Variants in KIAA0825 observed in about 807,000 individuals in gnomAD.
The protein encoded by KIAA0825 is KIAA0825, also known as uncharacterized protein KIAA0825.
A neutral mutation model predicts 147.6 loss-of-function variants in KIAA0825; 119 were observed. The ratio of observed to expected loss-of-function variants is 0.81; its 90% CI spans 0.69 to 0.94. The LOEUF is 0.94. Ranked by LOEUF, KIAA0825 falls within the 40% of genes least tolerant of loss-of-function variation. The probability of loss-of-function intolerance (pLI) is 0.00; values close to 1 mark genes in which losing one functional copy is unlikely to be tolerated. For missense variants in KIAA0825, 1,381 were observed against 1,472.7 expected (o/e 0.94, Z 1.02); for synonymous variants, 470 against 518.1 (o/e 0.91, Z 1.26).
chr5:94,606,904 C>T (rs770340832), intron 1 of KIAA0825, among the ~76,000 whole-genome samples: 2 of 152,092 alleles, frequency 1.3e-5, no homozygotes, highest in African/African-American at 2.4e-5. Flanking sequence ...ACATGCAAGA[C>T]AGGGGTCAAG....
intron 20 of KIAA0825, among the ~76,000 whole-genome samples, chr5:94,208,564 A>T (rs935653563): frequency 1.3e-5 from 2 of 152,204 alleles, no homozygotes; most frequent in Admixed American, 6.6e-5. Flanking sequence ...GCTAGAAAAC[A>T]CACAAACAAA....
At chr5:94,267,346 T>A (rs922068457) in intron 20 of KIAA0825, among the ~76,000 whole-genome samples, 1 of 152,178 alleles carries the variant, frequency 6.6e-6, no homozygotes, top group Admixed American at 6.5e-5. Flanking sequence ...ATCAACATAT[T>A]TATTGAGCAC....
intron 2 of KIAA0825, among the ~76,000 whole-genome samples, chr5:94,574,401 G>A (rs1213465630): frequency 1.3e-5 from 2 of 151,856 alleles, no homozygotes; most frequent in Non-Finnish European, 2.9e-5. Flanking sequence ...AAAATTAGTC[G>A]GGTGTGTTGG....
intron 5 of KIAA0825, 49 bp downstream of exon 5, chr5:94,520,199 T>C: frequency 6.7e-7 from 1 of 1,486,298 alleles, no homozygotes; most frequent in Non-Finnish European, 9.0e-7. Flanking sequence ...AAATTAAACA[T>C]ATTAAAAGAC....
chr5:94,393,543 A>C (rs748581601), intron 17 of KIAA0825, among the ~76,000 whole-genome samples: 2 of 152,212 alleles, frequency 1.3e-5, no homozygotes, highest in Non-Finnish European at 2.9e-5. Context: ...TCTGGATGCA[A>C]GTGAAAGGAA....
At chr5:94,401,323 C>G (rs1751346200) in intron 16 of KIAA0825, among the ~76,000 whole-genome samples, 1 of 151,090 alleles carries the variant, frequency 6.6e-6, no homozygotes, top group Admixed American at 6.6e-5. Context: ...AGAATAGAAA[C>G]AAGTGGGAGC....
At chr5:94,466,736 CAAAA>C (rs56785201) in intron 10 of KIAA0825, among the ~76,000 whole-genome samples, 9 of 61,374 alleles carry the variant, frequency 1.5e-4, no homozygotes, top group Non-Finnish European at 2.7e-4. Flanking sequence ...GACTGTGTCT[CAAAA>C]AAAAAAAAAA....
chr5:94,413,309 GA>G (rs1753012417), intron 15 of KIAA0825: 1 of 152,086 alleles, frequency 6.6e-6, no homozygotes, highest in Non-Finnish European at 1.5e-5. Flanking sequence ...CACATATACT[GA>G]GGGATGACTG....
chr5:94,357,295 A>G (rs527496436), intron 20 of KIAA0825, among the ~76,000 whole-genome samples: 18 of 152,326 alleles, frequency 1.2e-4, no homozygotes, highest in African/African-American at 4.3e-4. Context: ...GGTAAATTCC[A>G]TCCTCAAGCC....
intron 5 of KIAA0825, among the ~76,000 whole-genome samples, chr5:94,507,032 A>G (rs111822174): frequency 2.0e-5 from 3 of 152,290 alleles, no homozygotes; most frequent in African/African-American, 4.8e-5. Flanking sequence ...CAAAATACCA[A>G]AAAAATAAGT....
At chr5:94,415,374 G>A (rs757377123) in intron 15 of KIAA0825, 1 of 152,048 alleles carries the variant, frequency 6.6e-6, no homozygotes, top group Non-Finnish European at 1.5e-5. Context: ...TGTCTCAGCT[G>A]TATTACTTGT....
intron 2 of KIAA0825, among the ~76,000 whole-genome samples, chr5:94,576,007 A>G (rs1163561379): frequency 6.6e-6 from 1 of 152,210 alleles, no homozygotes; most frequent in Non-Finnish European, 1.5e-5. Flanking sequence ...AAGAAGGCAT[A>G]GCAAATTAGT....
chr5:94,200,989 A>ATATATATATATG (rs1771628787), intron 20 of KIAA0825, among the ~76,000 whole-genome samples: 1 of 141,658 alleles, frequency 7.1e-6, no homozygotes, highest in Non-Finnish European at 1.5e-5. Context: ...ATATATGTAT[A>ATATATATATATG]TCAGGACCTT....
intron 12 of KIAA0825, among the ~76,000 whole-genome samples, chr5:94,456,758 A>G (rs951639835): frequency 6.6e-6 from 1 of 152,246 alleles, no homozygotes; most frequent in African/African-American, 2.4e-5. Context: ...AGTGCTCAAT[A>G]TAAATAAGAT....
chr5:94,330,483 A>G (rs1781156154), intron 20 of KIAA0825, among the ~76,000 whole-genome samples: 1 of 152,192 alleles, frequency 6.6e-6, no homozygotes. Flanking sequence ...TCACAAAGGA[A>G]GTCTCAAGGG....
intron 5 of KIAA0825, among the ~76,000 whole-genome samples, chr5:94,487,867 T>C (rs1763239732): frequency 6.6e-6 from 1 of 152,094 alleles, no homozygotes; most frequent in Non-Finnish European, 1.5e-5. Context: ...GGTGGGAGGA[T>C]CACCTGAGCC....
At chr5:94,487,088 A>G (rs1338087339) in intron 5 of KIAA0825, among the ~76,000 whole-genome samples, 1 of 152,210 alleles carries the variant, frequency 6.6e-6, no homozygotes, top group Non-Finnish European at 1.5e-5. Context: ...CTACTTGCTG[A>G]CAATTATGCG....
At chr5:94,505,824 C>T (rs376751450) in intron 5 of KIAA0825, among the ~76,000 whole-genome samples, 1 of 152,248 alleles carries the variant, frequency 6.6e-6, no homozygotes, top group African/African-American at 2.4e-5. Flanking sequence ...ACAGACACTG[C>T]TATAATGTTG....
chr5:94,492,927 T>C (rs1409473680), intron 5 of KIAA0825, among the ~76,000 whole-genome samples: 1 of 152,248 alleles, frequency 6.6e-6, no homozygotes, highest in Non-Finnish European at 1.5e-5. Flanking sequence ...AGACCTTCCA[T>C]TGCATCTTTA....
Sources: gnomAD v4.1 joint callset for allele counts (sites outside exome capture counted in the v4.1 genomes callset) on GRCh38, gnomAD v4.1.1 for gene constraint, MANE v1.5 for transcripts, NCBI Gene and HGNC (gene_info 2026-07-23, HGNC 2026-07-21) for gene names.